KCNJ6: variants seen among roughly 807,000 people sequenced by gnomAD.
The protein encoded by KCNJ6 is potassium inwardly rectifying channel subfamily J member 6.
A neutral mutation model predicts 34.2 loss-of-function variants in KCNJ6; 9 were observed. The observed-to-expected ratio is 0.26, with a 90% CI of 0.16 to 0.46. The LOEUF (loss-of-function observed/expected upper bound fraction) is 0.46. KCNJ6 is among the 20% of genes least tolerant of loss of function. The pLI is 1.00. For synonymous variants in KCNJ6, 196 were observed against 207.1 expected (o/e 0.95, Z 0.46); for missense variants, 236 against 531.3 (o/e 0.44, Z 5.46).
chr21:37,777,448 G>A (rs919802247), intron 2 of KCNJ6, among the ~76,000 whole-genome samples: 1 of 151,982 alleles, frequency 6.6e-6, no homozygotes, highest in Admixed American at 6.6e-5. Context: ...TTGACTCTGA[G>A]GACTTTTTCC....
intron 1 of KCNJ6, among the ~76,000 whole-genome samples, chr21:37,891,245 A>G (rs2055760487): frequency 7.2e-6 from 1 of 139,482 alleles, no homozygotes; most frequent in Admixed American, 7.0e-5. Context: ...GGAACCACAC[A>G]CAGACACACA....
chr21:37,610,598 T>TTA lies in KCNJ6; in HGVS notation c.*14560_*14561insTA, dbSNP rs1556008029. On this transcript the variant is annotated 3_prime_UTR_variant, in exon 4 of 4. Transcript: ENST00000609713. ...TGGGCAACAGAGTGAGACTCTGTCT[T>TTA]AAAAAAAAAAAAAAAAAAAAAAGGA... is the stretch of plus-strand genomic sequence containing the variant. 5.2e-5 allele frequency: 4 copies of TTA among 77,474 alleles called. No homozygotes were observed. In the Admixed American group the frequency reaches 7.0e-4, roughly 14 times the overall value. 4.8% of individuals were successfully genotyped at this position (77,474 alleles called of 1,614,324 possible).
At chr21:37,878,967 T>G (rs1262350681) in intron 1 of KCNJ6, among the ~76,000 whole-genome samples, 1 of 152,172 alleles carries the variant, frequency 6.6e-6, no homozygotes, top group Admixed American at 6.5e-5. Context: ...TGTGACCTTC[T>G]TGAGGGCAGG....
At chr21:37,736,571 C>T (rs556711004) in intron 2 of KCNJ6, among the ~76,000 whole-genome samples, 2 of 152,214 alleles carry the variant, frequency 1.3e-5, no homozygotes, top group Non-Finnish European at 2.9e-5. Flanking sequence ...CATGTGTCTT[C>T]ATCTGCCTAA....
chr21:37,638,383 G>A (rs1032774311), intron 3 of KCNJ6, among the ~76,000 whole-genome samples: 1 of 152,132 alleles, frequency 6.6e-6, no homozygotes, highest in Non-Finnish European at 1.5e-5. Flanking sequence ...CCGACCTCAG[G>A]TGAGCCACCC....
At chr21:37,832,179 A>G (rs1307849888) in intron 2 of KCNJ6, among the ~76,000 whole-genome samples, 1 of 152,016 alleles carries the variant, frequency 6.6e-6, no homozygotes, top group Non-Finnish European at 1.5e-5. Flanking sequence ...AGTTTAAGTC[A>G]AGTTACTTTT....
At chr21:37,673,508 C>T (rs2054551161) in intron 3 of KCNJ6, among the ~76,000 whole-genome samples, 1 of 152,226 alleles carries the variant, frequency 6.6e-6, no homozygotes, top group African/African-American at 2.4e-5. Flanking sequence ...AATGAGGGTG[C>T]ATCTCAGAGC....
chr21:37,740,608 C>T (rs1208055703), intron 2 of KCNJ6, among the ~76,000 whole-genome samples: 1 of 152,222 alleles, frequency 6.6e-6, no homozygotes, highest in Non-Finnish European at 1.5e-5. Flanking sequence ...AACCAAGCTG[C>T]ACCCTGACCA....
intron 2 of KCNJ6, among the ~76,000 whole-genome samples, chr21:37,808,406 C>T (rs73206066): frequency 0.012 from 1,818 of 152,260 alleles, 20 homozygotes; most frequent in South Asian, 0.022. Context: ...GTTAGATGGC[C>T]TGTTGAAAAC....
intron 2 of KCNJ6, among the ~76,000 whole-genome samples, chr21:37,752,708 C>G: frequency 6.6e-6 from 1 of 152,164 alleles, no homozygotes; most frequent in East Asian, 1.9e-4. Flanking sequence ...CACATTCAAA[C>G]AAATCTCATG....
intron 2 of KCNJ6, among the ~76,000 whole-genome samples, chr21:37,796,347 C>T (rs2055241956): frequency 6.6e-6 from 1 of 152,152 alleles, no homozygotes; most frequent in Non-Finnish European, 1.5e-5. Context: ...TAAAATGGAT[C>T]AACCCCGTGA....
At position 37,796,620 on chromosome 21, in the gene KCNJ6, C is replaced by T. The variant is rs986645590; in HGVS notation, c.25+44038G>A. ...TCAGGGTGGTCAGAGTGGGACCCTC[C>T]CCTCATTGGACCTCAACTGGGCCTC... On this transcript the variant is annotated intron_variant, in intron 2 of 3. Coordinates refer to ENST00000609713, the MANE Select transcript of KCNJ6 (RefSeq NM_002240.5). 6.6e-5 allele frequency among the ~76,000 whole-genome samples: 10 copies of T among 152,126 alleles called. No homozygotes were observed. In the East Asian group the frequency reaches 1.9e-3, roughly 29 times the overall value.
chr21:37,735,344 C>T (rs927584166), intron 2 of KCNJ6, among the ~76,000 whole-genome samples: 12 of 152,224 alleles, frequency 7.9e-5, no homozygotes, highest in South Asian at 2.1e-4. Context: ...AGACCACCCA[C>T]GGCGCTTTCA....
intron 1 of KCNJ6, among the ~76,000 whole-genome samples, chr21:37,850,138 CTGATTCCT>C (rs1466120872): frequency 6.6e-6 from 1 of 152,154 alleles, no homozygotes; most frequent in Non-Finnish European, 1.5e-5. Flanking sequence ...AAAGAAATCC[CTGATTCCT>C]TTTGTTTTTC....
At chr21:37,845,823 C>A (rs1026467868) in intron 1 of KCNJ6, among the ~76,000 whole-genome samples, 2 of 152,180 alleles carry the variant, frequency 1.3e-5, no homozygotes, top group Non-Finnish European at 2.9e-5. Context: ...GCAACCCACA[C>A]CTGTATTTCC....
intron 2 of KCNJ6, among the ~76,000 whole-genome samples, chr21:37,717,952 G>A (rs769104887): frequency 1.3e-5 from 2 of 152,194 alleles, no homozygotes; most frequent in Non-Finnish European, 2.9e-5. Flanking sequence ...CCAGGCAATT[G>A]TCCTGACCTG....
At chr21:37,885,647 C>T (rs770589546) in intron 1 of KCNJ6, among the ~76,000 whole-genome samples, 17 of 152,198 alleles carry the variant, frequency 1.1e-4, no homozygotes, top group Non-Finnish European at 7.4e-5. Flanking sequence ...AGCACAGTCT[C>T]CACCTGACAG....
At chr21:37,780,479 A>G (rs1336181502) in intron 2 of KCNJ6, among the ~76,000 whole-genome samples, 1 of 152,168 alleles carries the variant, frequency 6.6e-6, no homozygotes, top group East Asian at 1.9e-4. Flanking sequence ...AGCTGATAAT[A>G]ATATATCAAT....
Position 37,700,385 on chromosome 21 carries a change from C to T in KCNJ6, c.946+13826G>A, listed in dbSNP as rs532473993. 3.9e-5 allele frequency among the ~76,000 whole-genome samples: 6 copies of T among 152,280 alleles called. No individual in the cohort carries two copies. In the East Asian group the frequency reaches 9.6e-4, roughly 24 times the overall value. On this transcript the variant is annotated intron_variant, in intron 3 of 3. Coordinates refer to ENST00000609713, the MANE Select transcript of KCNJ6 (RefSeq NM_002240.5). ...TGGCATATTCAGGAACGTCTGCAGCCTATGGAGGTAGTGGGGCAAAGGACA... is the reference window on the plus strand; with the variant it reads ...TGGCATATTCAGGAACGTCTGCAGCTTATGGAGGTAGTGGGGCAAAGGACA...
Sources: gnomAD v4.1 joint callset for allele counts (sites outside exome capture counted in the v4.1 genomes callset) on GRCh38, gnomAD v4.1.1 for gene constraint, MANE v1.5 for transcripts, NCBI Gene and HGNC (gene_info 2026-07-23, HGNC 2026-07-21) for gene names.